The following KCNJ6 variants were observed in gnomAD, a reference collection of about 807,000 sequenced individuals.
KCNJ6 encodes the protein G protein-activated inward rectifier potassium channel 2.
A neutral mutation model predicts 34.2 loss-of-function variants in KCNJ6; 9 were observed. The ratio of observed to expected loss-of-function variants is 0.26; its 90% CI spans 0.16 to 0.46. The LOEUF (loss-of-function observed/expected upper bound fraction) is 0.46, where lower values mean the gene tolerates loss of function less well. KCNJ6 is among the 20% of genes least tolerant of loss of function. The pLI is 1.00. For synonymous variants in KCNJ6, 196 were observed against 207.1 expected, an observed-to-expected ratio of 0.95 and a Z score of 0.46; for missense variants, 236 against 531.3, an observed-to-expected ratio of 0.44 and a Z score of 5.46.
chr21:37,901,475 C>T (rs1468170798), intron 1 of KCNJ6, among the ~76,000 whole-genome samples: 1 of 152,206 alleles, frequency 6.6e-6, no homozygotes, highest in Non-Finnish European at 1.5e-5. Context: ...CATGTATCTA[C>T]AGACATGTTC....
intron 2 of KCNJ6, among the ~76,000 whole-genome samples, chr21:37,777,837 G>A (rs558781928): frequency 6.4e-4 from 98 of 152,282 alleles, no homozygotes; most frequent in African/African-American, 1.9e-3. Flanking sequence ...TGCTTTGTGC[G>A]TGCTTGGGAA....
At chr21:37,765,641 G>A (rs141981649) in intron 2 of KCNJ6, among the ~76,000 whole-genome samples, 67 of 152,320 alleles carry the variant, frequency 4.4e-4, no homozygotes, top group African/African-American at 1.6e-3. Context: ...ACTTAAGACT[G>A]TGTCAAGTTC....
intron 2 of KCNJ6, chr21:37,719,483 T>C (rs2054812888): frequency 6.6e-6 from 1 of 152,186 alleles, no homozygotes; most frequent in Admixed American, 6.5e-5. Context: ...AGGCAACTTC[T>C]TACCACCAAG....
chr21:37,612,075 A>G lies in KCNJ6; in HGVS notation c.*13084T>C, dbSNP rs1464330738. The G allele has an allele frequency of 2.6e-5, 4 of 152,238 alleles. No individual in the cohort carries two copies. Among genetic ancestry groups the G allele is most frequent in the Admixed American group, 6.5e-5 (1 of 15,284 alleles). The allele number at this position is 152,238 out of a possible 1,614,324, so 9.4% of individuals were successfully genotyped here. On this transcript the variant is annotated 3_prime_UTR_variant, in exon 4 of 4. Transcript: ENST00000609713. ...TTGTTTACAGATGACATGATCATCT[A>G]TGTAGAAAATCTGAAATAACTGACC...
At chr21:37,809,334 A>C (rs2055309721) in intron 2 of KCNJ6, among the ~76,000 whole-genome samples, 1 of 150,900 alleles carries the variant, frequency 6.6e-6, no homozygotes, top group Non-Finnish European at 1.5e-5. Context: ...ATGAGAACAC[A>C]TGGACACAGG....
intron 1 of KCNJ6, among the ~76,000 whole-genome samples, chr21:37,879,263 A>C (rs1298851555): frequency 6.6e-6 from 1 of 152,156 alleles, no homozygotes; most frequent in Non-Finnish European, 1.5e-5. Flanking sequence ...ACAGGTCAGG[A>C]TGTTAGCTGA....
chr21:37,698,012 AAGAC>A (rs905765442), intron 3 of KCNJ6, among the ~76,000 whole-genome samples: 8 of 152,222 alleles, frequency 5.3e-5, no homozygotes, highest in African/African-American at 1.4e-4. Context: ...CACCCAAAGA[AAGAC>A]AGAGCAAGCC....
At chr21:37,794,398 A>G (rs962822855) in intron 2 of KCNJ6, among the ~76,000 whole-genome samples, 3 of 152,226 alleles carry the variant, frequency 2.0e-5, no homozygotes, top group Non-Finnish European at 4.4e-5. Flanking sequence ...TGGGCATAAT[A>G]AAAATAATAC....
At chr21:37,800,793 C>G (rs1415320366) in intron 2 of KCNJ6, among the ~76,000 whole-genome samples, 1 of 152,204 alleles carries the variant, frequency 6.6e-6, no homozygotes, top group African/African-American at 2.4e-5. Context: ...GATGTACCCC[C>G]CGCCAAGAGG....
chr21:37,859,487 TTATATA>T (rs55859652), intron 1 of KCNJ6, among the ~76,000 whole-genome samples: 103 of 84,282 alleles, frequency 1.2e-3, no homozygotes, highest in African/African-American at 3.0e-3. Context: ...TTATATTACT[TTATATA>T]TATATATATA....
chr21:37,671,458 C>T (rs989949917), intron 3 of KCNJ6, among the ~76,000 whole-genome samples: 4 of 152,248 alleles, frequency 2.6e-5, no homozygotes, highest in African/African-American at 7.2e-5. Context: ...CTCATCTGTA[C>T]CCTTAATTAT....
In KCNJ6 at chr21:37,863,846, G is replaced by GTTTTTTTTTTTTTTTTTTTT. The variant is rs772060420; in HGVS notation, c.-27-23138_-27-23137insAAAAAAAAAAAAAAAAAAAA. ...CTTTAAGCAATTTTAAAATATAAAG[G>GTTTTTTTTTTTTTTTTTTTT]TTTTTTTTTTTTTGTTTTTTTTTTT... is the stretch of plus-strand genomic sequence containing the variant. On this transcript the variant is annotated intron_variant, in intron 1 of 3. Coordinates refer to ENST00000609713, the MANE Select transcript of KCNJ6 (RefSeq NM_002240.5). Among the ~76,000 whole-genome samples, 32 of 97,052 alleles carry GTTTTTTTTTTTTTTTTTTTT rather than the reference G, an allele frequency of 3.3e-4. 5 individuals are homozygous for GTTTTTTTTTTTTTTTTTTTT. The highest frequency in any genetic ancestry group is 1.1e-3 in the East Asian group (4 of 3,492). 63.7% of individuals were successfully genotyped at this position (97,052 alleles called of 152,430 possible).
In KCNJ6 at chr21:37,611,624, G is replaced by A. The variant is rs1223282513; in HGVS notation, c.*13535C>T. 6.6e-6 allele frequency: 1 copy of A among 152,078 alleles called. No homozygotes were observed. Among genetic ancestry groups the A allele is most frequent in the Non-Finnish European group, 1.5e-5 (1 of 67,998 alleles). 9.4% of individuals were successfully genotyped at this position (152,078 alleles called of 1,614,324 possible). A position where few individuals can be genotyped will look rare whatever the true frequency, so the allele number is the denominator to read the frequency against. On this transcript the variant is annotated 3_prime_UTR_variant, in exon 4 of 4. Transcript: ENST00000609713. ...TAGCAAATCAAGTCCAACAATATATGAAAATAATTAAACACCATGACCAGG... is the reference window on the plus strand; with the variant it reads ...TAGCAAATCAAGTCCAACAATATATAAAAATAATTAAACACCATGACCAGG...
At chr21:37,886,413 A>C (rs920410878) in intron 1 of KCNJ6, among the ~76,000 whole-genome samples, 2 of 152,150 alleles carry the variant, frequency 1.3e-5, no homozygotes. Context: ...CTTTTCCCCG[A>C]AAGTAAGAAA....
At chr21:37,915,631 C>T (rs770692520) in intron 1 of KCNJ6, among the ~76,000 whole-genome samples, 2 of 152,360 alleles carry the variant, frequency 1.3e-5, no homozygotes, top group East Asian at 3.9e-4. Context: ...GGGATGCAGA[C>T]CCCTCCTTCC....
chr21:37,818,714 A>G (rs976396694), intron 2 of KCNJ6, among the ~76,000 whole-genome samples: 1 of 152,256 alleles, frequency 6.6e-6, no homozygotes, highest in Non-Finnish European at 1.5e-5. Flanking sequence ...CTGAGAAAAC[A>G]GAAGTGACTT....
chr21:37,685,236 T>C (rs1395898261), intron 3 of KCNJ6, among the ~76,000 whole-genome samples: 1 of 152,126 alleles, frequency 6.6e-6, no homozygotes, highest in Non-Finnish European at 1.5e-5. Flanking sequence ...GAGTTGTTTC[T>C]ACCCAGTGTG....
At chr21:37,713,317 C>T (rs1201384834) in intron 3 of KCNJ6, among the ~76,000 whole-genome samples, 2 of 152,040 alleles carry the variant, frequency 1.3e-5, no homozygotes, top group Non-Finnish European at 2.9e-5. Context: ...ACCCCAAAGA[C>T]ACTATTACTA....
intron 2 of KCNJ6, among the ~76,000 whole-genome samples, chr21:37,796,648 G>GTTC (rs1568851772): frequency 5.3e-5 from 8 of 152,252 alleles, no homozygotes; most frequent in Non-Finnish European, 8.8e-5. Context: ...TGGGCCTCCT[G>GTTC]GAAGACCAAC....
Sources: allele counts gnomAD v4.1 joint callset (sites outside exome capture counted in the v4.1 genomes callset), GRCh38; gene constraint gnomAD v4.1.1; transcripts MANE v1.5; gene names NCBI Gene and HGNC (gene_info 2026-07-23, HGNC 2026-07-21).